SLC25A17: variants seen among roughly 807,000 people sequenced by gnomAD.
SLC25A17 encodes the protein solute carrier family 25 member 17, also known as peroxisomal membrane protein PMP34.
Under a neutral mutation model 38.5 loss-of-function variants are expected in SLC25A17, and 26 were observed. The ratio of observed to expected loss-of-function variants is 0.68; its 90% CI spans 0.50 to 0.94. SLC25A17 has a LOEUF of 0.94. SLC25A17 is among the 40% of genes least tolerant of loss of function. The probability of loss-of-function intolerance (pLI) is 0.00; values close to 1 mark genes in which losing one functional copy is unlikely to be tolerated. For synonymous variants in SLC25A17, 139 were observed against 136.2 expected, an observed-to-expected ratio of 1.02 and a Z score of -0.14; for missense variants, 333 against 372.7, an observed-to-expected ratio of 0.89 and a Z score of 0.88.
chr22:40,772,012 A>G (rs2057188367), intron 8 of SLC25A17, among the ~76,000 whole-genome samples: 1 of 150,392 alleles, frequency 6.6e-6, no homozygotes, highest in African/African-American at 2.5e-5. Flanking sequence ...CAAAAATTAA[A>G]AAATTAAAAA....
chr22:40,774,436 C>T (rs1269177989), intron 7 of SLC25A17, among the ~76,000 whole-genome samples: 2 of 152,188 alleles, frequency 1.3e-5, no homozygotes, highest in Non-Finnish European at 2.9e-5. Context: ...GTTGGCCAGG[C>T]TGGTCTCGAA....
At chr22:40,793,466 A>G (rs73887876) in intron 3 of SLC25A17, among the ~76,000 whole-genome samples, 4,490 of 152,326 alleles carry the variant, frequency 0.029, 216 homozygotes, top group African/African-American at 0.1. Context: ...TAATTAGCCA[A>G]CCAAAGGCAG....
intron 4 of SLC25A17, among the ~76,000 whole-genome samples, chr22:40,788,058 A>T (rs1002842305): frequency 6.6e-6 from 1 of 152,134 alleles, no homozygotes; most frequent in Non-Finnish European, 1.5e-5. Context: ...ACTTGGCCTT[A>T]ATCTGTTTAC....
intron 2 of SLC25A17, among the ~76,000 whole-genome samples, chr22:40,795,279 G>A (rs2057418551): frequency 6.6e-6 from 1 of 151,418 alleles, no homozygotes; most frequent in South Asian, 2.1e-4. Context: ...AGGAAAAGAC[G>A]ACAGAAAACA....
At chr22:40,783,459 CCT>C (rs2057311139) in intron 4 of SLC25A17, among the ~76,000 whole-genome samples, 2 of 152,292 alleles carry the variant, frequency 1.3e-5, no homozygotes, top group Non-Finnish European at 2.9e-5. Flanking sequence ...CACTTTCACA[CCT>C]GTTTTATTCC....
intron 3 of SLC25A17, among the ~76,000 whole-genome samples, chr22:40,792,889 C>T (rs1023869659): frequency 9.2e-5 from 14 of 152,176 alleles, no homozygotes; most frequent in Non-Finnish European, 2.9e-5. Flanking sequence ...AGAAACAACA[C>T]AAAGTCTGAT....
intron 1 of SLC25A17, among the ~76,000 whole-genome samples, chr22:40,802,433 T>C (rs2057491904): frequency 6.6e-6 from 1 of 151,730 alleles, no homozygotes; most frequent in Non-Finnish European, 1.5e-5. Context: ...TCACCTGAGG[T>C]CAGGAGTTCG....
intron 4 of SLC25A17, chr22:40,784,600 C>T: frequency 4.2e-6 from 1 of 239,188 alleles, no homozygotes; most frequent in East Asian, 1.5e-4. Context: ...CAGAAAGACC[C>T]CCATCTGTAC....
intron 4 of SLC25A17, among the ~76,000 whole-genome samples, chr22:40,787,646 A>G (rs1309234959): frequency 1.3e-5 from 2 of 152,216 alleles, no homozygotes; most frequent in Non-Finnish European, 2.9e-5. Flanking sequence ...AAGCAGGGAT[A>G]AAACAGACTT....
intron 1 of SLC25A17, chr22:40,814,091 C>G (rs2057610187): frequency 6.6e-6 from 1 of 152,226 alleles, no homozygotes. Flanking sequence ...TCCTATCTTT[C>G]ATTTCAAAAA....
At position 40,791,111 on chromosome 22, in the gene SLC25A17, A is replaced by G. The variant is rs117383657; in HGVS notation, c.334+1414T>C. On this transcript the variant is annotated intron_variant, in intron 4 of 8. Transcript: ENST00000435456. ...AGTGCAATAGTCCAGGTGAGCAATG[A>G]TAAGGTTTGATTTGGGGAAATGGCT... Among the ~76,000 whole-genome samples the G allele has an allele frequency of 1.6e-4, 25 of 152,298 alleles. No individual in the cohort carries two copies. The East Asian group carries it at 4.8e-3, about 29-fold the overall frequency.
At chr22:40,797,168 T>A (rs2057438258) in intron 2 of SLC25A17, 5 of 489,238 alleles carry the variant, frequency 1.0e-5, no homozygotes, top group Admixed American at 2.5e-5. Flanking sequence ...TATACCTTTT[T>A]ATATATTTTG....
At chr22:40,775,977 A>G (rs1373314973) in intron 7 of SLC25A17, among the ~76,000 whole-genome samples, 1 of 152,084 alleles carries the variant, frequency 6.6e-6, no homozygotes, top group Non-Finnish European at 1.5e-5. Context: ...TAACACACAC[A>G]TCATGCTCCC....
chr22:40,812,641 CTGAG>C (rs1194540391), intron 1 of SLC25A17, among the ~76,000 whole-genome samples: 1 of 152,158 alleles, frequency 6.6e-6, no homozygotes, highest in Non-Finnish European at 1.5e-5. Context: ...CCCGACGTGG[CTGAG>C]TCACAGCAGC....
chr22:40,799,974 T>C (rs946889471), intron 1 of SLC25A17, among the ~76,000 whole-genome samples: 2 of 152,244 alleles, frequency 1.3e-5, no homozygotes, highest in Non-Finnish European at 2.9e-5. Flanking sequence ...GAGCACTCCC[T>C]GATAACCCCC....
chr22:40,810,497 G>A (rs1483656555), intron 1 of SLC25A17, among the ~76,000 whole-genome samples: 2 of 152,020 alleles, frequency 1.3e-5, no homozygotes, highest in East Asian at 1.9e-4. Context: ...ACAGGCATGC[G>A]CCACTACGCC....
At chr22:40,782,575 G>A (rs1237163591) in intron 4 of SLC25A17, among the ~76,000 whole-genome samples, 5 of 152,134 alleles carry the variant, frequency 3.3e-5, no homozygotes, top group South Asian at 4.1e-4. Flanking sequence ...AAACACAAAC[G>A]AAGTAGGCTA....
chr22:40,774,524 T>A (rs892797329), intron 7 of SLC25A17, among the ~76,000 whole-genome samples: 1 of 152,186 alleles, frequency 6.6e-6, no homozygotes, highest in African/African-American at 2.4e-5. Context: ...ATGTCCGGCC[T>A]AAGAAAAATT....
Position 40,819,265 on chromosome 22 carries a change from A to T in SLC25A17, c.-17T>A, listed in dbSNP as rs751305787. On this transcript the variant is annotated 5_prime_UTR_variant, in exon 1 of 9. Coordinates refer to ENST00000435456, the MANE Select transcript of SLC25A17 (RefSeq NM_006358.4). The stretch of plus-strand genomic sequence containing the variant: ...GGAAGCCATTGGTGCGGCTCCTCGA[A>T]GACCCAGCCACACTTTTCCCACAGA... The T allele has an allele frequency of 4.3e-6, 7 of 1,613,584 alleles. 1 individual carries two copies.
Sources: allele counts gnomAD v4.1 joint callset (sites outside exome capture counted in the v4.1 genomes callset), GRCh38; gene constraint gnomAD v4.1.1; transcripts MANE v1.5; gene names NCBI Gene and HGNC (gene_info 2026-07-23, HGNC 2026-07-21).